The following VPS26B variants were observed in gnomAD, a reference collection of about 807,000 sequenced individuals.
The protein encoded by VPS26B is VPS26 retromer complex component B.
In VPS26B, 10 loss-of-function variants were observed where a neutral mutation model predicts 33.3. The observed-to-expected ratio is 0.30, with a 90% CI of 0.19 to 0.51. The LOEUF (loss-of-function observed/expected upper bound fraction) is 0.51. Ranked by LOEUF, VPS26B falls within the 20% of genes least tolerant of loss-of-function variation. VPS26B has a pLI of 0.98. For synonymous variants in VPS26B, 190 were observed against 176.9 expected, an observed-to-expected ratio of 1.07 and a Z score of -0.59; for missense variants, 317 against 452.7, an observed-to-expected ratio of 0.70 and a Z score of 2.72.
chr11:134,231,173 G>A (rs1181989903), intron 1 of VPS26B, among the ~76,000 whole-genome samples: 1 of 152,070 alleles, frequency 6.6e-6, no homozygotes, highest in African/African-American at 2.4e-5. Flanking sequence ...GACATGCGGA[G>A]GAGGGCAGAC....
chr11:134,235,263 A>C (rs1005945900), intron 2 of VPS26B: 1 of 518,324 alleles, frequency 1.9e-6, no homozygotes, highest in Non-Finnish European at 3.3e-6. Context: ...TGTAGTGTAC[A>C]TAGCCCCGCC....
intron 3 of VPS26B, among the ~76,000 whole-genome samples, chr11:134,242,461 A>G (rs902143425): frequency 3.3e-5 from 5 of 152,284 alleles, no homozygotes; most frequent in Non-Finnish European, 5.9e-5. Context: ...AGGTTTTAAG[A>G]TTTTACTCGT....
Position 134,224,682 on chromosome 11 carries a change from A to G in VPS26B, c.-441A>G, listed in dbSNP as rs1938391669. On this transcript the variant is annotated 5_prime_UTR_variant, in exon 1 of 6. Transcript: ENST00000281187. ...CCCCTCCCCCGCCCGGAGCCGCCGA[A>G]GCGCCTCGGTGCGTTGCACCGCCGG... 6.6e-6 allele frequency: 1 copy of G among 151,856 alleles called. No individual in the cohort carries two copies. The highest frequency in any genetic ancestry group is 6.6e-5 in the Admixed American group (1 of 15,262). The allele number at this position is 151,856 out of a possible 1,614,324, so 9.4% of individuals were successfully genotyped here.
intron 1 of VPS26B, among the ~76,000 whole-genome samples, chr11:134,226,307 A>C (rs1160351921): frequency 6.6e-6 from 1 of 152,138 alleles, no homozygotes; most frequent in Non-Finnish European, 1.5e-5. Flanking sequence ...TCGGGGGGCT[A>C]AGATGGGAGG....
At chr11:134,234,364 A>G (rs1343096494) in intron 1 of VPS26B, among the ~76,000 whole-genome samples, 1 of 152,214 alleles carries the variant, frequency 6.6e-6, no homozygotes, top group Non-Finnish European at 1.5e-5. Context: ...GCTGATAGAA[A>G]TAGACGCAGT....
In VPS26B at chr11:134,234,991, C is replaced by T; in HGVS notation, c.318C>T (p.Asp106=). Residue 106 remains aspartate, a synonymous_variant, in exon 2 of 6, where the codon GAC becomes GAT. Coordinates refer to ENST00000281187, the MANE Select transcript of VPS26B (RefSeq NM_052875.5). ...PGEITQSQAF[D]FEFTHVEKPY... ...AGATCACCCAGTCGCAGGCCTTCGA[C>T]TTTGAGTTTACCCACGTGGAGAAGC... The T allele has an allele frequency of 1.2e-6, 2 of 1,614,176 alleles. No individual in the cohort carries two copies. The highest frequency in any genetic ancestry group is 1.7e-6 in the Non-Finnish European group (2 of 1,180,042).
intron 2 of VPS26B, among the ~76,000 whole-genome samples, chr11:134,238,631 TG>T (rs1938670990): frequency 6.6e-6 from 1 of 152,218 alleles, no homozygotes; most frequent in Non-Finnish European, 1.5e-5. Flanking sequence ...AGTCTCGCTC[TG>T]TTGCCCAGGC....
At chr11:134,226,537 T>C (rs138802362) in intron 1 of VPS26B, among the ~76,000 whole-genome samples, 30 of 152,370 alleles carry the variant, frequency 2.0e-4, no homozygotes, top group African/African-American at 6.5e-4. Context: ...TTGTGTATTA[T>C]TAAAATGCTT....
rs1938398929 is a variant in VPS26B at position 134,224,782 on chromosome 11, T to A, written c.-341T>A. On this transcript the variant is annotated 5_prime_UTR_variant, in exon 1 of 6. Transcript: ENST00000281187. ...CGCAGGCCACCCACACCCGGCTCTG[T>A]GCGGCTGCCCCCCGCAGCATTGCAC... The A allele has an allele frequency of 6.5e-6, 1 of 152,848 alleles. No homozygotes were observed. Among genetic ancestry groups the A allele is most frequent in the Non-Finnish European group, 1.5e-5 (1 of 68,730 alleles). 9.5% of individuals were successfully genotyped at this position (152,848 alleles called of 1,614,324 possible). A position where few individuals can be genotyped will look rare whatever the true frequency, so the allele number is the denominator to read the frequency against.
At chr11:134,235,586 C>T (rs140841528) in intron 2 of VPS26B, 1 of 152,470 alleles carries the variant, frequency 6.6e-6, no homozygotes, top group East Asian at 1.9e-4. Context: ...TGCTGTCCGG[C>T]TCTGCCACAC....
chr11:134,240,091 T>C lies in VPS26B; in HGVS notation c.481T>C (p.Ser161Pro), dbSNP rs1431433967. ...TLSTYPELNS[S>P]IKMEVGIEDC... ...CAGCACATACCCAGAGCTGAACTCT[T>C]CCATCAAGATGGAGGTTGGGATTGA... The change falls in exon 3 of 6, where the codon TCC (serine) becomes CCC (proline). Residue 161 changes from serine to proline, a missense_variant. Transcript: ENST00000281187. This position sits in a 1 kb window ranked among gnomAD's most constrained non-coding sequence, Gnocchi z 4.4. 3 of 1,614,108 alleles carry C rather than the reference T, an allele frequency of 1.9e-6. No individual in the cohort carries two copies. The highest frequency in any genetic ancestry group is 2.7e-5 in the African/African-American group (2 of 74,920).
chr11:134,225,362 G>T lies in VPS26B; in HGVS notation c.223+17G>T. 6.2e-7 allele frequency: 1 copy of T among 1,612,608 alleles called. No individual in the cohort carries two copies. The highest frequency in any genetic ancestry group is 1.1e-5 in the South Asian group (1 of 90,990). On this transcript the variant is annotated intron_variant, in intron 1 of 5. Coordinates refer to ENST00000281187, the MANE Select transcript of VPS26B (RefSeq NM_052875.5). ...GGCAGATCGGTGAGTCGACCCCCGG[G>T]ACCCCCTCCCCCAGCGCCGACAGCC...
chr11:134,226,513 C>T (rs1258371344), intron 1 of VPS26B, among the ~76,000 whole-genome samples: 3 of 152,094 alleles, frequency 2.0e-5, no homozygotes, highest in African/African-American at 7.2e-5. Flanking sequence ...CAATTCTAAG[C>T]CTTATTTAGA....
At chr11:134,233,472 C>T (rs1274203067) in intron 1 of VPS26B, among the ~76,000 whole-genome samples, 1 of 152,168 alleles carries the variant, frequency 6.6e-6, no homozygotes, top group Non-Finnish European at 1.5e-5. Context: ...GCCTGTAATC[C>T]CAGCACTTTG....
In VPS26B at chr11:134,240,047, A is replaced by G; in HGVS notation, c.437A>G (p.Asp146Gly). Residue 146 changes from aspartate (D) to glycine (G), a missense_variant, in exon 3 of 6, where the codon GAC (aspartate) becomes GGC (glycine). By Grantham distance (94) the Asp-to-Gly change is moderately conservative. Coordinates refer to ENST00000281187, the MANE Select transcript of VPS26B (RefSeq NM_052875.5). This position sits in a 1 kb window ranked among gnomAD's most constrained non-coding sequence, Gnocchi z 4.4. ...CTCAATGATGTTGTCAAAGAGATGG[A>G]CATTGTAGTTCACACACTCAGCACA... Reference protein sequence around the residue: ...RRLNDVVKEMDIVVHTLSTYP... With the variant: ...RRLNDVVKEMGIVVHTLSTYP... 6.2e-7 allele frequency: 1 copy of G among 1,614,200 alleles called. No individual in the cohort carries two copies. The highest frequency in any genetic ancestry group is 8.5e-7 in the Non-Finnish European group (1 of 1,180,034).
chr11:134,229,647 A>C (rs1411600455), intron 1 of VPS26B, among the ~76,000 whole-genome samples: 1 of 152,160 alleles, frequency 6.6e-6, no homozygotes, highest in Non-Finnish European at 1.5e-5. Context: ...CTGGTTCTGC[A>C]GTATATCTCA....
At position 134,245,815 on chromosome 11, in the gene VPS26B, G is replaced by A; in HGVS notation, c.*225G>A. 1.8e-6 allele frequency: 1 copy of A among 570,454 alleles called. No individual in the cohort carries two copies. Among genetic ancestry groups the A allele is most frequent in the Non-Finnish European group, 3.0e-6 (1 of 334,466 alleles). 35.3% of individuals were successfully genotyped at this position (570,454 alleles called of 1,614,324 possible). A position where few individuals can be genotyped will look rare whatever the true frequency, so the allele number is the denominator to read the frequency against. On this transcript the variant is annotated 3_prime_UTR_variant, in exon 6 of 6. Coordinates refer to ENST00000281187, the MANE Select transcript of VPS26B (RefSeq NM_052875.5). This position sits in a 1 kb window ranked among gnomAD's most constrained non-coding sequence, Gnocchi z 4.7. ...TCTGCGGCCGATGTGGGATAGAAGA[G>A]GTAGCATCCTGGAAGCCAGCCTCTC...
At position 134,245,685 on chromosome 11, in the gene VPS26B, T is replaced by C. The variant is rs1314273520; in HGVS notation, c.*95T>C. The C allele has an allele frequency of 2.8e-6, 4 of 1,419,504 alleles. No individual in the cohort carries two copies. In the East Asian group the frequency reaches 1.0e-4, roughly 36 times the overall value. 87.9% of individuals were successfully genotyped at this position (1,419,504 alleles called of 1,614,324 possible). A position where few individuals can be genotyped will look rare whatever the true frequency, so the allele number is the denominator to read the frequency against. On this transcript the variant is annotated 3_prime_UTR_variant, in exon 6 of 6. Coordinates refer to ENST00000281187, the MANE Select transcript of VPS26B (RefSeq NM_052875.5). The surrounding 1 kb of genome is among the most constrained non-coding windows in gnomAD (Gnocchi z 4.7). ...CGGGGGCGGACCTTGTGAGGCTCAG[T>C]TGACCCGTTACTTGCAACCTGAAAA...
At chr11:134,233,198 C>T (rs1297694753) in intron 1 of VPS26B, among the ~76,000 whole-genome samples, 3 of 152,228 alleles carry the variant, frequency 2.0e-5, no homozygotes, top group East Asian at 3.9e-4. Flanking sequence ...ACTGTGAATT[C>T]ATACAGAAGT....
Sources: allele counts gnomAD v4.1 joint callset (sites outside exome capture counted in the v4.1 genomes callset), GRCh38; gene constraint gnomAD v4.1.1; non-coding constraint Gnocchi (gnomAD v3.1); transcripts MANE v1.5; gene names NCBI Gene and HGNC (gene_info 2026-07-23, HGNC 2026-07-21).